Variants in MXI1 observed in about 807,000 individuals in gnomAD.
MXI1 encodes max-interacting protein 1.
A neutral mutation model predicts 36.9 loss-of-function variants in MXI1; 18 were observed. That is an observed-to-expected ratio of 0.49 (90% CI 0.34 to 0.72). The LOEUF (loss-of-function observed/expected upper bound fraction) is 0.72, where lower values mean the gene tolerates loss of function less well. Ranked by LOEUF, MXI1 falls within the 30% of genes least tolerant of loss-of-function variation. MXI1 has a pLI of 0.01. For missense variants in MXI1, 304 were observed against 379.1 expected (o/e 0.80, Z 1.64); for synonymous variants, 160 against 146.7 (o/e 1.09, Z -0.65).
rs756681488 is a variant in MXI1 at position 110,280,085 on chromosome 10, GGTAGGCAGCTT to G, written c.724+2_724+12del. On this transcript the variant is annotated splice_donor_variant and splice_donor_5th_base_variant and intron_variant, in intron 5 of 5. Transcript: ENST00000332674. LOFTEE classifies it high-confidence loss of function. ...TTCAGATCGTTCTGATTCAGAGCGAGGTAGGCAGCTTGCCTCTTCTCTAATGAAATACTAAA... is the reference window on the plus strand; with the variant it reads ...TTCAGATCGTTCTGATTCAGAGCGAGGCCTCTTCTCTAATGAAATACTAAA... 1 of 1,578,282 alleles carries G rather than the reference GGTAGGCAGCTT, an allele frequency of 6.3e-7. No individual in the cohort carries two copies. The highest frequency in any genetic ancestry group is 8.6e-7 in the Non-Finnish European group (1 of 1,163,292).
At chr10:110,215,650 A>G (rs138312802) in intron 1 of MXI1, among the ~76,000 whole-genome samples, 301 of 152,332 alleles carry the variant, frequency 2.0e-3, no homozygotes, top group African/African-American at 7.2e-3. Flanking sequence ...GGTTATTGCA[A>G]AGGTCATTGC....
chr10:110,273,443 T>C (rs973052844), intron 3 of MXI1, among the ~76,000 whole-genome samples: 1 of 152,222 alleles, frequency 6.6e-6, no homozygotes, highest in African/African-American at 2.4e-5. Flanking sequence ...CACAATATGC[T>C]TTTGATATAT....
chr10:110,256,889 G>A (rs1433861642), intron 3 of MXI1, among the ~76,000 whole-genome samples: 1 of 152,106 alleles, frequency 6.6e-6, no homozygotes, highest in Non-Finnish European at 1.5e-5. Flanking sequence ...TCAACACTTT[G>A]CAATTACTTA....
chr10:110,239,580 C>G (rs1230800652), intron 2 of MXI1, among the ~76,000 whole-genome samples: 1 of 151,928 alleles, frequency 6.6e-6, no homozygotes, highest in Non-Finnish European at 1.5e-5. Flanking sequence ...AATTAAATTT[C>G]ATTGTGATTG....
At chr10:110,248,331 A>G (rs1378580871) in intron 3 of MXI1, among the ~76,000 whole-genome samples, 1 of 152,112 alleles carries the variant, frequency 6.6e-6, no homozygotes, top group Non-Finnish European at 1.5e-5. Context: ...TGTACCCTAA[A>G]ACTTAAAGTA....
chr10:110,247,751 T>C (rs1184184338), intron 3 of MXI1, among the ~76,000 whole-genome samples: 1 of 152,204 alleles, frequency 6.6e-6, no homozygotes, highest in East Asian at 1.9e-4. Flanking sequence ...TTGGTGGGAC[T>C]GTAAATTAGT....
chr10:110,280,824 C>A (rs1050909062), intron 5 of MXI1, among the ~76,000 whole-genome samples: 3 of 152,242 alleles, frequency 2.0e-5, no homozygotes, highest in South Asian at 2.1e-4. Flanking sequence ...TTTCTCTTTC[C>A]ATCTATCCTA....
At chr10:110,223,831 A>G (rs1206146031) in intron 1 of MXI1, among the ~76,000 whole-genome samples, 2 of 151,882 alleles carry the variant, frequency 1.3e-5, no homozygotes, top group Non-Finnish European at 2.9e-5. Flanking sequence ...ACAAAAAAAA[A>G]AAAAAGTTCT....
chr10:110,262,667 A>G (rs1208173326), intron 3 of MXI1, among the ~76,000 whole-genome samples: 2 of 152,118 alleles, frequency 1.3e-5, no homozygotes, highest in African/African-American at 4.8e-5. Context: ...GGTGTATTCT[A>G]TTCATACATT....
chr10:110,258,725 A>G (rs1300253889), intron 3 of MXI1, among the ~76,000 whole-genome samples: 1 of 152,158 alleles, frequency 6.6e-6, no homozygotes, highest in Non-Finnish European at 1.5e-5. Context: ...GGTTTTAGAG[A>G]TAAAATAGAG....
intron 3 of MXI1, among the ~76,000 whole-genome samples, chr10:110,267,544 C>T (rs969905569): frequency 2.6e-5 from 4 of 152,144 alleles, no homozygotes; most frequent in African/African-American, 9.7e-5. Context: ...TATTCCTTTA[C>T]AGAACAGCTT....
intron 1 of MXI1, among the ~76,000 whole-genome samples, chr10:110,213,940 A>C (rs751319168): frequency 9.2e-5 from 14 of 152,240 alleles, no homozygotes; most frequent in Non-Finnish European, 2.1e-4. Context: ...ACTATATTCC[A>C]AGTATGGGGC....
chr10:110,218,224 G>T (rs978394219), intron 1 of MXI1, among the ~76,000 whole-genome samples: 1 of 152,158 alleles, frequency 6.6e-6, no homozygotes, highest in Non-Finnish European at 1.5e-5. Context: ...GCCGAGGTGG[G>T]CGGATCACGA....
chr10:110,269,157 A>G (rs1383812609), intron 3 of MXI1, among the ~76,000 whole-genome samples: 2 of 152,228 alleles, frequency 1.3e-5, no homozygotes. Flanking sequence ...ATCTGCCAGT[A>G]GTAAGCATGG....
Position 110,285,122 on chromosome 10 carries a change from A to G in MXI1, c.*135A>G. ...AACAAAACAAAACTATACTTGAACA[A>G]AAGGGTCAGAGGACCTGTATTTAAG... On this transcript the variant is annotated 3_prime_UTR_variant, in exon 6 of 6. Coordinates refer to ENST00000332674, the MANE Select transcript of MXI1 (RefSeq NM_130439.3). 2 of 871,720 alleles carry G rather than the reference A, an allele frequency of 2.3e-6. No individual in the cohort carries two copies. The highest frequency in any genetic ancestry group is 2.9e-5 in the South Asian group (1 of 34,084). The allele number at this position is 871,720 out of a possible 1,614,324, so 54.0% of individuals were successfully genotyped here.
chr10:110,219,437 C>T (rs898009463), intron 1 of MXI1, among the ~76,000 whole-genome samples: 4 of 152,162 alleles, frequency 2.6e-5, no homozygotes, highest in Non-Finnish European at 2.9e-5. Context: ...TCATCATTGC[C>T]GTTCGGAGTG....
chr10:110,268,327 T>C (rs1302314919), intron 3 of MXI1, among the ~76,000 whole-genome samples: 1 of 152,108 alleles, frequency 6.6e-6, no homozygotes, highest in Admixed American at 6.6e-5. Context: ...TGGAATCATA[T>C]AAAATAAATA....
intron 3 of MXI1, chr10:110,245,876 G>C (rs1247343962): frequency 6.6e-6 from 1 of 152,132 alleles, no homozygotes; most frequent in African/African-American, 2.4e-5. Context: ...GTATGGAATG[G>C]AGTCAATAGA....
chr10:110,282,747 T>C (rs1857299823), intron 5 of MXI1, among the ~76,000 whole-genome samples: 1 of 152,160 alleles, frequency 6.6e-6, no homozygotes, highest in Non-Finnish European at 1.5e-5. Context: ...CTTTTTGTAG[T>C]GTTATGGGGG....
Sources: gnomAD v4.1 joint callset for allele counts (sites outside exome capture counted in the v4.1 genomes callset) on GRCh38, gnomAD v4.1.1 for gene constraint, MANE v1.5 for transcripts, NCBI Gene and HGNC (gene_info 2026-07-23, HGNC 2026-07-21) for gene names.